GALNT13: variants seen among roughly 807,000 people sequenced by gnomAD.
The protein encoded by GALNT13 is UDP-GalNAc:polypeptide N-acetylgalactosaminyltransferase 13.
In GALNT13, 28 loss-of-function variants were observed where a neutral mutation model predicts 64.2. The observed-to-expected ratio is 0.44, with a 90% confidence interval of 0.32 to 0.60. The LOEUF is 0.60. Among genes scored for constraint, GALNT13 ranks in the 20% least tolerant of loss-of-function variants. The pLI, the probability that GALNT13 is intolerant of heterozygous loss-of-function variation, is 0.05. For synonymous variants in GALNT13, 214 were observed against 224.6 expected, an observed-to-expected ratio of 0.95 and a Z score of 0.42; for missense variants, 577 against 669.8, an observed-to-expected ratio of 0.86 and a Z score of 1.53.
At chr2:153,568,546 C>T in the GALNT13 span, among the ~76,000 whole-genome samples, 1 of 152,184 alleles carries the variant, frequency 6.6e-6, no homozygotes, top group African/African-American at 2.4e-5. Flanking sequence ...ATCTCCTCTA[C>T]AATAGTACAA....
At chr2:153,678,970 T>C in the GALNT13 span, among the ~76,000 whole-genome samples, 1 of 152,036 alleles carries the variant, frequency 6.6e-6, no homozygotes, top group South Asian at 2.1e-4. Context: ...CATCTCTTTA[T>C]TCCATTGGAT....
intron 9 of GALNT13, among the ~76,000 whole-genome samples, chr2:154,351,619 T>C (rs1171852099): frequency 7.9e-6 from 1 of 126,200 alleles, no homozygotes; most frequent in African/African-American, 3.0e-5. Context: ...GGAGGCGGAG[T>C]TTGCAGTGAG....
At chr2:153,909,005 T>C (rs1305828865) in intron 2 of GALNT13, among the ~76,000 whole-genome samples, 1 of 152,164 alleles carries the variant, frequency 6.6e-6, no homozygotes, top group Non-Finnish European at 1.5e-5. Flanking sequence ...TTTAATGATA[T>C]TGATTCCTCC....
intron 9 of GALNT13, among the ~76,000 whole-genome samples, chr2:154,324,592 A>C (rs2099820529): frequency 6.6e-6 from 1 of 152,100 alleles, no homozygotes; most frequent in Admixed American, 6.6e-5. Context: ...GAAAAGAAGG[A>C]ATCATTTCTC....
the GALNT13 span, among the ~76,000 whole-genome samples, chr2:153,226,059 T>G: frequency 6.6e-6 from 1 of 151,908 alleles, no homozygotes; most frequent in Non-Finnish European, 1.5e-5. Context: ...TCAGCCTCCT[T>G]AGTAGTAGCT....
chr2:153,486,445 A>G, the GALNT13 span, among the ~76,000 whole-genome samples: 1 of 152,112 alleles, frequency 6.6e-6, no homozygotes, highest in African/African-American at 2.4e-5. Flanking sequence ...ACATTCCCTC[A>G]ATCTCTTACC....
intron 10 of GALNT13, among the ~76,000 whole-genome samples, chr2:154,402,625 C>T (rs535025721): frequency 1.3e-5 from 2 of 152,198 alleles, no homozygotes; most frequent in East Asian, 1.9e-4. Flanking sequence ...TACCAGTGTG[C>T]GCTACTATTT....
chr2:153,655,469 C>A, the GALNT13 span, among the ~76,000 whole-genome samples: 1 of 151,964 alleles, frequency 6.6e-6, no homozygotes, highest in African/African-American at 2.4e-5. Flanking sequence ...TGTTGAAATG[C>A]TCTAAAATGA....
intron 4 of GALNT13, among the ~76,000 whole-genome samples, chr2:154,166,478 C>T (rs1685028684): frequency 1.3e-5 from 2 of 152,192 alleles, no homozygotes; most frequent in South Asian, 2.1e-4. Context: ...CAGGAAACAA[C>T]AGGTGCTGGA....
chr2:153,578,474 C>G, the GALNT13 span, among the ~76,000 whole-genome samples: 1 of 152,150 alleles, frequency 6.6e-6, no homozygotes, highest in African/African-American at 2.4e-5. Flanking sequence ...TTAAGTCACA[C>G]TTTTCTGTGT....
the GALNT13 span, among the ~76,000 whole-genome samples, chr2:153,504,214 G>A: frequency 6.6e-6 from 1 of 152,190 alleles, no homozygotes; most frequent in Non-Finnish European, 1.5e-5. Context: ...CAGAGCTACT[G>A]ATTTCTGTGC....
intron 2 of GALNT13, among the ~76,000 whole-genome samples, chr2:153,940,146 A>G (rs1691234137): frequency 6.6e-6 from 1 of 151,218 alleles, no homozygotes; most frequent in African/African-American, 2.4e-5. Context: ...ATTTAGCATT[A>G]TATTTGTTGG....
At chr2:153,279,604 G>A in the GALNT13 span, among the ~76,000 whole-genome samples, 1 of 151,836 alleles carries the variant, frequency 6.6e-6, no homozygotes, top group East Asian at 1.9e-4. Context: ...TTTTTTTCTT[G>A]TCTATTGAGA....
chr2:153,754,219 G>T, the GALNT13 span, among the ~76,000 whole-genome samples: 14 of 152,246 alleles, frequency 9.2e-5, no homozygotes, highest in East Asian at 2.7e-3. Flanking sequence ...AGTACCTAAG[G>T]TGCAAGACAA....
At chr2:154,071,622 CA>C (rs776379020) in intron 3 of GALNT13, among the ~76,000 whole-genome samples, 2 of 152,018 alleles carry the variant, frequency 1.3e-5, no homozygotes, top group African/African-American at 2.4e-5. Context: ...ATCCCCAGGC[CA>C]ATACTCATGG....
At chr2:153,915,221 G>A (rs1689248783) in intron 2 of GALNT13, among the ~76,000 whole-genome samples, 1 of 152,134 alleles carries the variant, frequency 6.6e-6, no homozygotes, top group African/African-American at 2.4e-5. Context: ...TTGGGAATAT[G>A]AGGATTTTTT....
At chr2:153,318,102 G>A in the GALNT13 span, among the ~76,000 whole-genome samples, 1 of 145,598 alleles carries the variant, frequency 6.9e-6, no homozygotes, top group Admixed American at 7.0e-5. Flanking sequence ...ACCTAGGGTA[G>A]GCAAAGATGT....
chr2:153,235,195 T>C, the GALNT13 span, among the ~76,000 whole-genome samples: 1 of 152,114 alleles, frequency 6.6e-6, no homozygotes, highest in Non-Finnish European at 1.5e-5. Context: ...CATAACAATA[T>C]TGAAATGAGG....
At chr2:153,277,367 G>C in the GALNT13 span, among the ~76,000 whole-genome samples, 1 of 152,052 alleles carries the variant, frequency 6.6e-6, no homozygotes, top group Non-Finnish European at 1.5e-5. Context: ...CATCTATTTT[G>C]TTGCAAAGTA....
Sources: allele counts gnomAD v4.1 joint callset (sites outside exome capture counted in the v4.1 genomes callset), GRCh38; gene constraint gnomAD v4.1.1; transcripts MANE v1.5; gene names NCBI Gene and HGNC (gene_info 2026-07-23, HGNC 2026-07-21).